UNC79: variants seen among roughly 807,000 people sequenced by gnomAD.
UNC79 encodes protein unc-79 homolog.
In UNC79, 37 loss-of-function variants were observed where a neutral mutation model predicts 283.1. The ratio of observed to expected loss-of-function variants is 0.13; its 90% CI spans 0.10 to 0.17. UNC79 has a LOEUF of 0.17. UNC79 is among the 10% of genes least tolerant of loss of function. The pLI is 1.00. For missense variants in UNC79, 2,272 were observed against 3,211.1 expected (o/e 0.71, Z 7.07); for synonymous variants, 1,107 against 1,200.2 (o/e 0.92, Z 1.61).
At chr14:93,547,858 T>C (rs188084061) in intron 14 of UNC79, among the ~76,000 whole-genome samples, 23 of 152,066 alleles carry the variant, frequency 1.5e-4, no homozygotes, top group Non-Finnish European at 2.9e-4. Context: ...TCCTGGCATG[T>C]TGGCTCGCAC....
At chr14:93,344,893 T>C (rs2053791749) in intron 1 of UNC79, among the ~76,000 whole-genome samples, 1 of 152,154 alleles carries the variant, frequency 6.6e-6, no homozygotes, top group African/African-American at 2.4e-5. Context: ...CAGAGCACAG[T>C]TGCCCAGTGG....
Position 93,487,290 on chromosome 14 carries a change from C to T in UNC79, c.620-373C>T, listed in dbSNP as rs1034167202. On this transcript the variant is annotated intron_variant, in intron 4 of 48. Transcript: ENST00000555664. ...TAAAAACCTTTCCTTTTTATTTTCTCATTGGGATACCCTTCAATATGTCTT... is the reference window on the plus strand; with the variant it reads ...TAAAAACCTTTCCTTTTTATTTTCTTATTGGGATACCCTTCAATATGTCTT... Among the ~76,000 whole-genome samples, 8 of 152,184 alleles carry T rather than the reference C, an allele frequency of 5.3e-5. No individual in the cohort carries two copies. The East Asian group carries it at 1.5e-3, about 29-fold the overall frequency.
chr14:93,646,278 G>A (rs898588061), intron 34 of UNC79, among the ~76,000 whole-genome samples: 2 of 152,140 alleles, frequency 1.3e-5, no homozygotes, highest in African/African-American at 4.8e-5. Context: ...AATGAATTTC[G>A]AGTTGAGTTA....
intron 19 of UNC79, 67 bp from the exon 20 acceptor site, chr14:93,582,136 G>C: frequency 1.2e-6 from 2 of 1,611,534 alleles, no homozygotes; most frequent in South Asian, 2.2e-5. Flanking sequence ...GCTTTGCTGA[G>C]CTGAGCAAAC....
At chr14:93,396,766 C>CGTGTGTGTGTGT (rs2055005617) in intron 1 of UNC79, among the ~76,000 whole-genome samples, 1 of 60,734 alleles carries the variant, frequency 1.6e-5, no homozygotes, top group Non-Finnish European at 3.9e-5. Flanking sequence ...TTGCAAAGGG[C>CGTGTGTGTGTGT]ATGTGTGTGT....
chr14:93,417,959 T>G (rs2055500662), intron 1 of UNC79, among the ~76,000 whole-genome samples: 1 of 151,786 alleles, frequency 6.6e-6, no homozygotes. Context: ...TCTTTGACTT[T>G]GGTTTGAATT....
At position 93,531,620 on chromosome 14, in the gene UNC79, A is replaced by C. The variant is rs2060826101; in HGVS notation, c.1094-930A>C. 6.6e-6 allele frequency among the ~76,000 whole-genome samples: 1 copy of C among 152,234 alleles called. No homozygotes were observed. Among genetic ancestry groups the C allele is most frequent in the Non-Finnish European group, 1.5e-5 (1 of 68,036 alleles). On this transcript the variant is annotated intron_variant, in intron 10 of 48. Coordinates refer to ENST00000555664, the Ensembl canonical transcript of UNC79. This position sits in a 1 kb window ranked among gnomAD's most constrained non-coding sequence, Gnocchi z 4.2. ...TAAATAACCCTACAGCTGGTTTTAC[A>C]CACACACGTTAAGAGTGATATAAAT...
intron 39 of UNC79, 32 bp from the exon 43 acceptor site, chr14:93,662,572 A>G (rs1426930978): frequency 1.4e-6 from 2 of 1,417,220 alleles, no homozygotes; most frequent in East Asian, 2.3e-5. Context: ...GTAATCAGCA[A>G]TTGACTTTAT....
At chr14:93,600,541 TC>T (rs778400863) in intron 24 of UNC79, 27 bp from the exon 25 acceptor site, 1 of 1,531,942 alleles carries the variant, frequency 6.5e-7, no homozygotes. Context: ...TTTCTTCTTT[TC>T]TTTTTTTTTT....
At chr14:93,496,601 A>G in intron 6 of UNC79, 135 bp downstream of exon 6, 2 of 505,662 alleles carry the variant, frequency 4.0e-6, no homozygotes, top group Admixed American at 8.1e-5. Flanking sequence ...CAGAACCTAT[A>G]ATTCTTTCTT....
At chr14:93,550,533 A>AAAAAGAAAAG (rs2061835384) in intron 14 of UNC79, among the ~76,000 whole-genome samples, 4 of 122,574 alleles carry the variant, frequency 3.3e-5, no homozygotes, top group Admixed American at 9.4e-5. Flanking sequence ...AAAAAAAAAA[A>AAAAAGAAAAG]AAAAAAAAGA....
intron 1 of UNC79, among the ~76,000 whole-genome samples, chr14:93,379,758 T>G (rs1361158052): frequency 6.6e-6 from 1 of 152,002 alleles, no homozygotes; most frequent in Non-Finnish European, 1.5e-5. Flanking sequence ...GGGTACAGTG[T>G]ACACTGCTTG....
intron 27 of UNC79, among the ~76,000 whole-genome samples, chr14:93,613,425 T>C (rs2066453772): frequency 1.3e-5 from 2 of 151,948 alleles, no homozygotes; most frequent in South Asian, 4.1e-4. Context: ...GGTTTCTTTT[T>C]TTTTTTTTGA....
chr14:93,654,110 C>A, intron 37 of UNC79, 85 bp downstream of exon 40: 1 of 1,050,044 alleles, frequency 9.5e-7, no homozygotes. Flanking sequence ...TTGAGTCACA[C>A]CATAGGATAC....
At chr14:93,398,499 C>T (rs1348563106) in intron 1 of UNC79, among the ~76,000 whole-genome samples, 1 of 152,156 alleles carries the variant, frequency 6.6e-6, no homozygotes, top group Admixed American at 6.6e-5. Context: ...GCAATTGGTT[C>T]AGGACAGACT....
chr14:93,615,720 C>CAAA lies in UNC79; in HGVS notation c.4042-1379_4042-1377dup, dbSNP rs1158073507. 2.8e-3 allele frequency among the ~76,000 whole-genome samples: 65 copies of CAAA among 23,260 alleles called. 1 individual carries two copies. The highest frequency in any genetic ancestry group is 4.2e-3 in the East Asian group (2 of 478). The allele number at this position is 23,260 out of a possible 152,430, so 15.3% of individuals were successfully genotyped here. ...TGGGTGACAGAGTGAGACTCCATCT[C>CAAA]AAAAAAAAAAAAAAAAAAAAAAAAA... On this transcript the variant is annotated intron_variant, in intron 27 of 48. Transcript: ENST00000555664.
intron 33 of UNC79, 127 bp downstream of exon 36, chr14:93,641,374 C>A (rs2069017853): frequency 2.4e-6 from 2 of 834,122 alleles, no homozygotes; most frequent in South Asian, 1.8e-5. Flanking sequence ...CAGTATATTG[C>A]CTGGCACACA....
chr14:93,493,896 TA>T (rs1459679370), intron 5 of UNC79, among the ~76,000 whole-genome samples: 5,967 of 41,496 alleles, frequency 0.14, 402 homozygotes, highest in Non-Finnish European at 0.19. Flanking sequence ...TATATATATA[TA>T]TATATTTTTT....
chr14:93,639,060 T>A (rs1385322526), intron 32 of UNC79, among the ~76,000 whole-genome samples: 1 of 152,214 alleles, frequency 6.6e-6, no homozygotes, highest in Non-Finnish European at 1.5e-5. Context: ...TTCTTGGCAT[T>A]TGTATTAGGC....
Sources: gnomAD v4.1 joint callset for allele counts (sites outside exome capture counted in the v4.1 genomes callset) on GRCh38, gnomAD v4.1.1 for gene constraint, Gnocchi (gnomAD v3.1) non-coding constraint, MANE v1.5 for transcripts, NCBI Gene and HGNC (gene_info 2026-07-23, HGNC 2026-07-21) for gene names.